CTNNA3: variants seen among roughly 807,000 people sequenced by gnomAD.
The protein encoded by CTNNA3 is catenin alpha 3.
In CTNNA3, 76 loss-of-function variants were observed where a neutral mutation model predicts 95.7. That is an observed-to-expected ratio of 0.79 (90% CI 0.66 to 0.96). The LOEUF (loss-of-function observed/expected upper bound fraction) is 0.96. Ranked by LOEUF, CTNNA3 falls within the 40% of genes least tolerant of loss-of-function variation. The probability of loss-of-function intolerance (pLI) is 0.00; values close to 1 mark genes in which losing one functional copy is unlikely to be tolerated. For synonymous variants in CTNNA3, 431 were observed against 374.4 expected, an observed-to-expected ratio of 1.15 and a Z score of -1.74; for missense variants, 1,191 against 1,089.8, an observed-to-expected ratio of 1.09 and a Z score of -1.31.
chr10:67,598,877 C>CT (rs1241997909), intron 3 of CTNNA3, among the ~76,000 whole-genome samples: 1 of 151,878 alleles, frequency 6.6e-6, no homozygotes, highest in African/African-American at 2.4e-5. Context: ...CTGGGGAGCC[C>CT]TAAAGGTACA....
At chr10:66,531,794 C>G (rs1841474638) in intron 10 of CTNNA3, among the ~76,000 whole-genome samples, 1 of 151,960 alleles carries the variant, frequency 6.6e-6, no homozygotes, top group Non-Finnish European at 1.5e-5. Flanking sequence ...TTAAAACTAT[C>G]TGATACCAAT....
intron 7 of CTNNA3, among the ~76,000 whole-genome samples, chr10:67,170,123 G>A (rs1178534149): frequency 6.6e-6 from 1 of 152,156 alleles, no homozygotes; most frequent in African/African-American, 2.4e-5. Flanking sequence ...AAAAATAACA[G>A]ATGCTGGCAA....
At chr10:66,541,214 T>C (rs1390402065) in intron 10 of CTNNA3, among the ~76,000 whole-genome samples, 1 of 152,154 alleles carries the variant, frequency 6.6e-6, no homozygotes, top group Non-Finnish European at 1.5e-5. Flanking sequence ...TTATTTTCTC[T>C]TAAGCCAACA....
At position 66,583,008 on chromosome 10, in the gene CTNNA3, AT is replaced by A. The variant is rs113369750; in HGVS notation, c.1374+38683del. On this transcript the variant is annotated intron_variant, in intron 10 of 17. Transcript: ENST00000433211. ...GAAATCCATGTGAATATAGTGGATT[AT>A]TTTTTTGATGCGCTGTTGGATTTGG... is the stretch of plus-strand genomic sequence containing the variant. 9.8e-3 allele frequency among the ~76,000 whole-genome samples: 1,489 copies of A among 151,934 alleles called. 38 individuals carry two copies. Among genetic ancestry groups the A allele is most frequent in the African/African-American group, 0.034 (1,419 of 41,478 alleles).
intron 7 of CTNNA3, among the ~76,000 whole-genome samples, chr10:67,107,906 C>T (rs551906495): frequency 6.6e-6 from 1 of 152,204 alleles, no homozygotes; most frequent in African/African-American, 2.4e-5. Context: ...AGGAAGTGCT[C>T]TAGCAGGGAC....
chr10:66,983,089 A>G (rs1850537165), intron 7 of CTNNA3, among the ~76,000 whole-genome samples: 1 of 152,238 alleles, frequency 6.6e-6, no homozygotes, highest in Non-Finnish European at 1.5e-5. Context: ...TCATAAATCA[A>G]TTACAATGTG....
chr10:66,700,002 T>C (rs1847892715), intron 9 of CTNNA3, among the ~76,000 whole-genome samples: 2 of 151,994 alleles, frequency 1.3e-5, no homozygotes, highest in Admixed American at 1.3e-4. Context: ...TTTTTTTTTG[T>C]TTTGTTTTTT....
At chr10:66,978,554 T>A (rs866900351) in intron 7 of CTNNA3, among the ~76,000 whole-genome samples, 1,449 of 60,980 alleles carry the variant, frequency 0.024, 40 homozygotes, top group African/African-American at 0.049. Flanking sequence ...AAAAAAAAAA[T>A]ATATATATAT....
At chr10:66,031,170 T>C (rs182143183) in intron 15 of CTNNA3, among the ~76,000 whole-genome samples, 8 of 152,190 alleles carry the variant, frequency 5.3e-5, no homozygotes, top group African/African-American at 1.9e-4. Context: ...GAACTAAAAA[T>C]AGAACTATAA....
intron 2 of CTNNA3, among the ~76,000 whole-genome samples, chr10:67,623,895 C>A (rs1288266674): frequency 1.3e-5 from 2 of 152,138 alleles, no homozygotes; most frequent in African/African-American, 4.8e-5. Context: ...CGGCTCACTG[C>A]AACCTCCGTC....
chr10:66,967,333 C>CATAT (rs558943403), intron 7 of CTNNA3, among the ~76,000 whole-genome samples: 2 of 140,896 alleles, frequency 1.4e-5, no homozygotes, highest in African/African-American at 5.0e-5. Context: ...TGGATATAGA[C>CATAT]ATATATATAT....
At chr10:66,525,445 T>C (rs1196335371) in intron 10 of CTNNA3, among the ~76,000 whole-genome samples, 1 of 152,144 alleles carries the variant, frequency 6.6e-6, no homozygotes, top group African/African-American at 2.4e-5. Context: ...GTTACCAAGT[T>C]ATTAAGGAGA....
chr10:66,882,225 C>G (rs1173222992), intron 7 of CTNNA3, among the ~76,000 whole-genome samples: 1 of 152,178 alleles, frequency 6.6e-6, no homozygotes, highest in African/African-American at 2.4e-5. Flanking sequence ...TTACACTAAT[C>G]CTGATCAGGC....
intron 1 of CTNNA3, among the ~76,000 whole-genome samples, chr10:67,694,076 TA>T (rs1161953124): frequency 6.6e-6 from 1 of 152,234 alleles, no homozygotes; most frequent in Non-Finnish European, 1.5e-5. Context: ...AGTTGTATCA[TA>T]AAAGTCATAT....
intron 10 of CTNNA3, among the ~76,000 whole-genome samples, chr10:66,609,565 C>T (rs1371633160): frequency 6.6e-6 from 1 of 151,642 alleles, no homozygotes; most frequent in Non-Finnish European, 1.5e-5. Flanking sequence ...TATCTCACAC[C>T]AGTCAGAATG....
At chr10:66,903,979 G>A (rs1219048338) in intron 7 of CTNNA3, among the ~76,000 whole-genome samples, 3 of 152,086 alleles carry the variant, frequency 2.0e-5, no homozygotes, top group South Asian at 2.1e-4. Context: ...ATTCAAAGTC[G>A]TCCTCACCAA....
At chr10:66,398,346 T>C (rs1190275726) in intron 11 of CTNNA3, among the ~76,000 whole-genome samples, 1 of 151,922 alleles carries the variant, frequency 6.6e-6, no homozygotes, top group Non-Finnish European at 1.5e-5. Flanking sequence ...ATTTTTTGTC[T>C]CATACAGAAA....
chr10:66,504,950 CTATTA>C (rs1159134862), intron 11 of CTNNA3, among the ~76,000 whole-genome samples: 1 of 152,120 alleles, frequency 6.6e-6, no homozygotes, highest in Admixed American at 6.6e-5. Flanking sequence ...TATTTAGAAA[CTATTA>C]TATTGTTATG....
At chr10:67,435,552 A>G (rs1846273982) in intron 5 of CTNNA3, among the ~76,000 whole-genome samples, 2 of 152,038 alleles carry the variant, frequency 1.3e-5, no homozygotes, top group Admixed American at 6.6e-5. Context: ...TTTGCTGACA[A>G]TATGATCGTT....
Sources: gnomAD v4.1 joint callset for allele counts (sites outside exome capture counted in the v4.1 genomes callset) on GRCh38, gnomAD v4.1.1 for gene constraint, MANE v1.5 for transcripts, NCBI Gene and HGNC (gene_info 2026-07-23, HGNC 2026-07-21) for gene names.